MINDY3: variants seen among roughly 807,000 people sequenced by gnomAD.
MINDY3 encodes MINDY lysine 48 deubiquitinase 3.
In MINDY3, 38 loss-of-function variants were observed where a neutral mutation model predicts 69.2. The observed-to-expected ratio is 0.55, with a 90% CI of 0.42 to 0.72. The LOEUF (loss-of-function observed/expected upper bound fraction) is 0.72. Among genes scored for constraint, MINDY3 ranks in the 30% least tolerant of loss-of-function variants. The pLI, the probability that MINDY3 is intolerant of heterozygous loss-of-function variation, is 0.00. For missense variants in MINDY3, 522 were observed against 519.0 expected, an observed-to-expected ratio of 1.01 and a Z score of -0.06; for synonymous variants, 192 against 180.1, an observed-to-expected ratio of 1.07 and a Z score of -0.53.
At chr10:15,784,680 T>G (rs769202109) in intron 13 of MINDY3, among the ~76,000 whole-genome samples, 1 of 152,124 alleles carries the variant, frequency 6.6e-6, no homozygotes, top group Admixed American at 6.6e-5. Context: ...GAGGTTACAG[T>G]GAGCTGAGAT....
intron 9 of MINDY3, among the ~76,000 whole-genome samples, chr10:15,820,404 C>T (rs1839676614): frequency 1.3e-5 from 2 of 152,142 alleles, no homozygotes; most frequent in South Asian, 4.1e-4. Flanking sequence ...AAATCTCCAC[C>T]CCCTAGCCTC....
intron 11 of MINDY3, among the ~76,000 whole-genome samples, chr10:15,793,201 A>G (rs1837552856): frequency 6.6e-6 from 1 of 152,142 alleles, no homozygotes; most frequent in Admixed American, 6.6e-5. Flanking sequence ...ACACACAAAA[A>G]TAAACACTGT....
intron 10 of MINDY3, among the ~76,000 whole-genome samples, chr10:15,816,532 C>A (rs1451657084): frequency 6.6e-6 from 1 of 151,840 alleles, no homozygotes; most frequent in African/African-American, 2.4e-5. Context: ...AAAAAGCAAT[C>A]TAAAACTTTA....
chr10:15,802,947 A>G (rs1198419520), intron 10 of MINDY3, among the ~76,000 whole-genome samples: 4 of 152,202 alleles, frequency 2.6e-5, no homozygotes, highest in African/African-American at 9.6e-5. Flanking sequence ...ATGAAAAAAG[A>G]GAATAAAAAG....
Position 15,815,197 on chromosome 10 carries a change from T to C in MINDY3, c.882+1638A>G, listed in dbSNP as rs144267926. ...AGGAATTAGTAATTGTCAGTTTTTG[T>C]AGTTCACATTGTGCTTTTTAACTTC... On this transcript the variant is annotated intron_variant, in intron 10 of 14. Transcript: ENST00000277632. Among the ~76,000 whole-genome samples, 634 of 152,324 alleles carry C rather than the reference T, an allele frequency of 4.2e-3. 6 individuals carry two copies. Among genetic ancestry groups the C allele is most frequent in the African/African-American group, 0.015 (606 of 41,582 alleles).
intron 1 of MINDY3, among the ~76,000 whole-genome samples, chr10:15,852,233 T>TG (rs1834352554): frequency 6.6e-6 from 1 of 152,148 alleles, no homozygotes; most frequent in Non-Finnish European, 1.5e-5. Context: ...CACAGTATGT[T>TG]TACAACATAC....
intron 1 of MINDY3, among the ~76,000 whole-genome samples, chr10:15,855,493 T>A (rs1834625698): frequency 6.6e-6 from 1 of 152,116 alleles, no homozygotes; most frequent in Non-Finnish European, 1.5e-5. Flanking sequence ...TTACCCATCT[T>A]AAAACACCTA....
At chr10:15,781,764 A>G (rs1047097348) in intron 14 of MINDY3, among the ~76,000 whole-genome samples, 1 of 152,196 alleles carries the variant, frequency 6.6e-6, no homozygotes, top group Admixed American at 6.5e-5. Context: ...ATATATGCTG[A>G]CTATGAAGGT....
Position 15,786,438 on chromosome 10 carries a change from CG to C in MINDY3, c.1116+122del. 6.0e-6 allele frequency: 4 copies of C among 664,530 alleles called. No homozygotes were observed. The South Asian group carries it at 7.2e-5, about 12-fold the overall frequency. The allele number at this position is 664,530 out of a possible 1,614,324, so 41.2% of individuals were successfully genotyped here. A position where few individuals can be genotyped will look rare whatever the true frequency, so the allele number is the denominator to read the frequency against. On this transcript the variant is annotated intron_variant, in intron 13 of 14. Transcript: ENST00000277632. ...TCTGTCTGGGAAGGTTTCCATGTAA[CG>C]GTGTTTTCTCAGTCTCATATCTGCG...
chr10:15,782,524 G>T, intron 13 of MINDY3, among the ~76,000 whole-genome samples: 1 of 151,816 alleles, frequency 6.6e-6, no homozygotes, highest in East Asian at 1.9e-4. Flanking sequence ...TTTTTCAAAA[G>T]ACAAGCTTCT....
At chr10:15,821,613 A>C (rs1274365105) in intron 9 of MINDY3, 43 bp downstream of exon 9, 11 of 1,472,762 alleles carry the variant, frequency 7.5e-6, no homozygotes, top group African/African-American at 4.2e-5. Flanking sequence ...AATAGTGGAC[A>C]TCTAAACAAA....
At chr10:15,843,293 A>G (rs1260079261) in intron 2 of MINDY3, 21 bp from the exon 3 acceptor site, 2 of 1,563,548 alleles carry the variant, frequency 1.3e-6, no homozygotes, top group South Asian at 1.1e-5. Flanking sequence ...TTAAAGCAAT[A>G]ATTAGTGAAA....
chr10:15,853,037 T>A (rs1188094899), intron 1 of MINDY3, among the ~76,000 whole-genome samples: 1 of 152,108 alleles, frequency 6.6e-6, no homozygotes, highest in African/African-American at 2.4e-5. Context: ...AGAGCGTCTA[T>A]GGATTTTGGT....
intron 1 of MINDY3, among the ~76,000 whole-genome samples, chr10:15,856,591 C>A (rs1391895013): frequency 6.6e-6 from 1 of 152,168 alleles, no homozygotes; most frequent in Non-Finnish European, 1.5e-5. Flanking sequence ...CAACCCTCAT[C>A]TGCTTTCATG....
rs959548745 is a variant in MINDY3, at chr10:15,821,743, C to T, written c.731-17G>A. 1 of 1,606,038 alleles carries T rather than the reference C, an allele frequency of 6.2e-7. No individual in the cohort carries two copies. The highest frequency in any genetic ancestry group is 8.5e-7 in the Non-Finnish European group (1 of 1,177,678). ...CAAGAAGTTCTGCAAAAAACAACAA[C>T]AACAACAAAAAACGAAAACTTAGCA... On this transcript the variant is annotated splice_polypyrimidine_tract_variant and intron_variant, in intron 8 of 14. Coordinates refer to ENST00000277632, the MANE Select transcript of MINDY3 (RefSeq NM_024948.4).
chr10:15,829,784 G>A (rs115730979), intron 8 of MINDY3, among the ~76,000 whole-genome samples: 2,606 of 152,274 alleles, frequency 0.017, 55 homozygotes, highest in African/African-American at 0.056. Context: ...AAGAAAAAAG[G>A]GAGCAGCTAG....
intron 8 of MINDY3, among the ~76,000 whole-genome samples, chr10:15,832,502 T>C (rs1025772456): frequency 6.6e-6 from 1 of 152,046 alleles, no homozygotes; most frequent in Non-Finnish European, 1.5e-5. Flanking sequence ...AGATTAAGGG[T>C]TGAAGAATAG....
chr10:15,811,918 A>AT (rs1403645908), intron 10 of MINDY3, among the ~76,000 whole-genome samples: 4 of 151,844 alleles, frequency 2.6e-5, no homozygotes, highest in African/African-American at 9.7e-5. Context: ...ATAATGCTTA[A>AT]TTTTTCATTT....
intron 14 of MINDY3, among the ~76,000 whole-genome samples, chr10:15,781,516 G>A (rs1024869211): frequency 2.6e-5 from 4 of 151,688 alleles, no homozygotes; most frequent in Non-Finnish European, 2.9e-5. Context: ...CTAGCTTTAC[G>A]CCAGGTTGAG....
Sources: allele counts gnomAD v4.1 joint callset (sites outside exome capture counted in the v4.1 genomes callset), GRCh38; gene constraint gnomAD v4.1.1; transcripts MANE v1.5; gene names NCBI Gene and HGNC (gene_info 2026-07-23, HGNC 2026-07-21).